AHCY: variants seen among roughly 807,000 people sequenced by gnomAD.
The protein encoded by AHCY is adenosylhomocysteinase.
Under a neutral mutation model 45.4 loss-of-function variants are expected in AHCY, and 24 were observed. The ratio of observed to expected loss-of-function variants is 0.53; its 90% confidence interval spans 0.38 to 0.74. The LOEUF is 0.74. Ranked by LOEUF, AHCY falls within the 30% of genes least tolerant of loss-of-function variation. The pLI is 0.00. For synonymous variants in AHCY, 245 were observed against 235.1 expected (o/e 1.04, Z -0.39); for missense variants, 449 against 594.1 (o/e 0.76, Z 2.54).
At chr20:34,311,170 TGAA>T (rs1373016960) in intron 1 of AHCY, among the ~76,000 whole-genome samples, 1 of 152,004 alleles carries the variant, frequency 6.6e-6, no homozygotes, top group African/African-American at 2.4e-5. Context: ...AAACATATAA[TGAA>T]GGACAAAAAG....
chr20:34,270,049 A>G, the AHCY span, among the ~76,000 whole-genome samples: 1 of 151,108 alleles, frequency 6.6e-6, no homozygotes, highest in African/African-American at 2.4e-5. Context: ...AGCCTGGGCT[A>G]CATAGTGAGA....
At chr20:34,252,253 C>A in the AHCY span, among the ~76,000 whole-genome samples, 1 of 152,246 alleles carries the variant, frequency 6.6e-6, no homozygotes, top group East Asian at 1.9e-4. Flanking sequence ...ACAGAGGACC[C>A]GCACTGGTGC....
the AHCY span, among the ~76,000 whole-genome samples, chr20:34,241,190 G>C: frequency 1.3e-5 from 2 of 152,118 alleles, no homozygotes; most frequent in African/African-American, 2.4e-5. Context: ...ATATGAACTG[G>C]GTTGCTAGAG....
downstream of AHCY, among the ~76,000 whole-genome samples, chr20:34,276,271 G>A (rs1601628121): frequency 6.6e-6 from 1 of 152,288 alleles, no homozygotes; most frequent in East Asian, 1.9e-4. Context: ...CAGGACTGGG[G>A]ATAAGCCCTC....
At chr20:34,269,176 A>T in the AHCY span, 2 of 1,495,716 alleles carry the variant, frequency 1.3e-6, no homozygotes, top group Non-Finnish European at 1.8e-6. Flanking sequence ...GAGCGCCCCC[A>T]CTCCCGGCCG....
the AHCY span, among the ~76,000 whole-genome samples, chr20:34,259,066 CA>C: frequency 1.3e-5 from 2 of 150,364 alleles, no homozygotes; most frequent in Non-Finnish European, 2.9e-5. Flanking sequence ...TTAAATTAGC[CA>C]GGTGTGTTTG....
chr20:34,280,977 G>C lies in AHCY; in HGVS notation c.*57C>G. On this transcript the variant is annotated 3_prime_UTR_variant, in exon 10 of 10. Transcript: ENST00000217426. ...AGTTGGTGCCATTAGCTCTTAGGGA[G>C]GAGAGGTGGGGCCTGGGCAAGGACA... 3.1e-6 allele frequency: 5 copies of C among 1,611,190 alleles called. No homozygotes were observed. The highest frequency in any genetic ancestry group is 4.2e-6 in the Non-Finnish European group (5 of 1,178,936).
chr20:34,241,474 C>G, the AHCY span: 1 of 985,440 alleles, frequency 1.0e-6, no homozygotes, highest in Non-Finnish European at 1.2e-6. Context: ...GGCCTGGGCT[C>G]TTTGCGGGAA....
At chr20:34,250,794 G>A in the AHCY span, among the ~76,000 whole-genome samples, 1 of 152,050 alleles carries the variant, frequency 6.6e-6, no homozygotes, top group Non-Finnish European at 1.5e-5. Context: ...TAGGTACTTA[G>A]CCATGCCACA....
At chr20:34,262,906 A>T in the AHCY span, 1 of 1,613,812 alleles carries the variant, frequency 6.2e-7, no homozygotes, top group Non-Finnish European at 8.5e-7. Flanking sequence ...AAGGGCAGGG[A>T]AGTTCTGGGA....
intron 3 of AHCY, 107 bp from the exon 4 acceptor site, chr20:34,292,614 G>A: frequency 6.7e-7 from 1 of 1,489,120 alleles, no homozygotes; most frequent in Non-Finnish European, 9.3e-7. Context: ...CCCATCCCCA[G>A]CCACCTCCGG....
chr20:34,257,740 T>C, the AHCY span, among the ~76,000 whole-genome samples: 2 of 152,218 alleles, frequency 1.3e-5, no homozygotes, highest in Admixed American at 6.5e-5. Flanking sequence ...CTAGCTCTTG[T>C]CTCATTAGGA....
In AHCY at chr20:34,285,421, G is replaced by A. The variant is rs918586575; in HGVS notation, c.1167+19C>T. 1 of 1,613,356 alleles carries A rather than the reference G, an allele frequency of 6.2e-7. No homozygotes were observed. The highest frequency in any genetic ancestry group is 8.5e-7 in the Non-Finnish European group (1 of 1,179,644). On this transcript the variant is annotated intron_variant, in intron 9 of 9. Coordinates refer to ENST00000217426, the MANE Select transcript of AHCY (RefSeq NM_000687.4). ...ATTAGACACGTGACCCTTGGCTTGA[G>A]GTAGAAGAATAAACCCACCTTCTTG...
intron 1 of AHCY, among the ~76,000 whole-genome samples, chr20:34,301,290 TCCA>T (rs149486947): frequency 0.016 from 2,468 of 152,014 alleles, 61 homozygotes; most frequent in African/African-American, 0.056. Context: ...GCTCCACCCC[TCCA>T]CCACCACATG....
intron 1 of AHCY, chr20:34,311,387 C>T (rs1172081891): frequency 6.6e-6 from 1 of 152,270 alleles, no homozygotes; most frequent in Non-Finnish European, 1.5e-5. Context: ...TCTCCAGGTC[C>T]AGGCCCCAGT....
At chr20:34,263,886 G>A in the AHCY span, among the ~76,000 whole-genome samples, 4 of 151,782 alleles carry the variant, frequency 2.6e-5, no homozygotes, top group African/African-American at 7.3e-5. Context: ...TGTCAGGCTG[G>A]TCTCGAACTC....
the AHCY span, among the ~76,000 whole-genome samples, chr20:34,233,173 A>T: frequency 7.5e-6 from 1 of 133,756 alleles, no homozygotes; most frequent in South Asian, 2.4e-4. Context: ...TTTGATACAG[A>T]GTCTCGCTCT....
At chr20:34,280,034 T>C (rs2035953533), downstream of AHCY, among the ~76,000 whole-genome samples, 1 of 152,080 alleles carries the variant, frequency 6.6e-6, no homozygotes, top group South Asian at 2.1e-4. Context: ...GAAGGTTGCA[T>C]TGAGCTGAGA....
the AHCY span, among the ~76,000 whole-genome samples, chr20:34,250,463 T>C: frequency 6.6e-6 from 1 of 151,706 alleles, no homozygotes; most frequent in South Asian, 2.1e-4. Flanking sequence ...AGTCCAGGAG[T>C]TTCAGGCCAG....
Sources: gnomAD v4.1 joint callset for allele counts (sites outside exome capture counted in the v4.1 genomes callset) on GRCh38, gnomAD v4.1.1 for gene constraint, MANE v1.5 for transcripts, NCBI Gene and HGNC (gene_info 2026-07-23, HGNC 2026-07-21) for gene names.